The following CCT7 variants were observed in gnomAD, a reference collection of about 807,000 sequenced individuals.
CCT7 encodes T-complex protein 1 subunit eta.
CCT7 carries 16 observed loss-of-function variants against 56.6 expected under a neutral mutation model. The observed-to-expected ratio is 0.28, with a 90% CI of 0.19 to 0.43. CCT7 has a LOEUF of 0.43. CCT7 is among the 20% of genes least tolerant of loss of function. CCT7 has a pLI of 1.00. For synonymous variants in CCT7, 262 were observed against 254.8 expected (o/e 1.03, Z -0.27); for missense variants, 519 against 685.6 (o/e 0.76, Z 2.71).
intron 4 of CCT7, 189 bp from the exon 5 acceptor site, chr2:73,243,808 G>T: frequency 1.7e-6 from 1 of 604,354 alleles, no homozygotes; most frequent in Non-Finnish European, 2.9e-6. Context: ...TTTCTGACTT[G>T]GAATTTTCTG....
At chr2:73,251,901 T>C (rs1448762806) in intron 11 of CCT7, among the ~76,000 whole-genome samples, 1 of 151,332 alleles carries the variant, frequency 6.6e-6, no homozygotes, top group East Asian at 1.9e-4. Flanking sequence ...ATCGTGCCGC[T>C]GCACTCCAGC....
intron 3 of CCT7, among the ~76,000 whole-genome samples, chr2:73,242,349 G>T (rs554200988): frequency 6.6e-6 from 1 of 152,204 alleles, no homozygotes; most frequent in Non-Finnish European, 1.5e-5. Context: ...GTGCGATCTT[G>T]GCTCACTGCA....
rs766642418 is a variant in CCT7 at position 73,234,333 on chromosome 2, C to A, written c.-46C>A. ...ATTGTGGGTTGCTGGGCGGCCCGGT[C>A]TCGGAGAAGAGGGGAGAGTGGCGGG... On this transcript the variant is annotated 5_prime_UTR_variant, in exon 1 of 12. Coordinates refer to ENST00000258091, the MANE Select transcript of CCT7 (RefSeq NM_006429.4). The A allele has an allele frequency of 6.2e-7, 1 of 1,613,322 alleles. No individual in the cohort carries two copies. The highest frequency in any genetic ancestry group is 8.5e-7 in the Non-Finnish European group (1 of 1,179,494).
At chr2:73,246,996 A>C (rs1179249660) in intron 6 of CCT7, among the ~76,000 whole-genome samples, 1 of 152,186 alleles carries the variant, frequency 6.6e-6, no homozygotes, top group East Asian at 1.9e-4. Flanking sequence ...GTCATTTAGT[A>C]AGGAAAAGAT....
chr2:73,249,273 G>A (rs897637781), intron 8 of CCT7, 94 bp downstream of exon 8: 12 of 982,876 alleles, frequency 1.2e-5, no homozygotes, highest in Middle Eastern at 2.9e-4. Flanking sequence ...TCAGGTTGGC[G>A]TGTGAATTGA....
In CCT7 at chr2:73,252,838, C is replaced by T. The variant is rs932012000; in HGVS notation, c.1609C>T (p.Arg537Cys). 18 of 1,613,706 alleles carry T rather than the reference C, an allele frequency of 1.1e-5. No individual in the cohort carries two copies. The Admixed American group carries it at 2.2e-4, about 19-fold the overall frequency. Residue 537 changes from arginine (R) to cysteine (C), a missense_variant, in exon 12 of 12, where the codon CGT becomes TGT. Transcript: ENST00000258091. ...VDAPTAAGRG[R>C]GRGRPH ...TGCTCCCACAGCAGCAGGCCGGGGC[C>T]GTGGTCGTGGCCGCCCCCACTGAGA...
chr2:73,251,545 T>TC (rs1574366098), intron 11 of CCT7, 113 bp downstream of exon 11: 3 of 890,544 alleles, frequency 3.4e-6, no homozygotes, highest in Non-Finnish European at 1.8e-6. Flanking sequence ...AGGCTGCAAC[T>TC]CCCCCCAGCC....
chr2:73,244,624 C>G lies in CCT7; in HGVS notation c.527C>G (p.Ala176Gly). The G allele has an allele frequency of 6.2e-7, 1 of 1,613,790 alleles. No homozygotes were observed. The highest frequency in any genetic ancestry group is 8.5e-7 in the Non-Finnish European group (1 of 1,179,772). ...KLISQQKAFFAKMVVDAVMML... is the reference protein window; with the variant it reads ...KLISQQKAFFGKMVVDAVMML... ...ATCTCCCAGCAGAAAGCTTTCTTTG[C>G]TAAGATGGTGGTGGATGCAGTGATG... The change falls in exon 6 of 12, where the codon GCT becomes GGT. Residue 176 changes from alanine to glycine, a missense_variant. Ala to Gly is a moderately conservative substitution (Grantham distance 60, BLOSUM62 0). Transcript: ENST00000258091.
At position 73,234,363 on chromosome 2, in the gene CCT7, T is replaced by C. The variant is rs771403338; in HGVS notation, c.-16T>C. ...AGAAGAGGGGAGAGTGGCGGGCCGC[T>C]GAATAAGCTTCCAAAATGATGGTGA... On this transcript the variant is annotated 5_prime_UTR_variant, in exon 1 of 12. Transcript: ENST00000258091. The C allele has an allele frequency of 2.5e-6, 4 of 1,613,420 alleles. No individual in the cohort carries two copies. The highest frequency in any genetic ancestry group is 2.5e-6 in the Non-Finnish European group (3 of 1,179,962).
Position 73,252,855 on chromosome 2 carries a change from C to G in CCT7, c.1626C>G (p.Pro542=), listed in dbSNP as rs1341954943. The change falls in exon 12 of 12, where the codon CCC becomes CCG. Residue 542 remains proline, a synonymous_variant. Transcript: ENST00000258091. The stretch of plus-strand genomic sequence containing the variant: ...GCCGGGGCCGTGGTCGTGGCCGCCC[C>G]CACTGAGAGGCACCCCACCCATCAC... ...AAGRGRGRGR[P]H 1.2e-6 allele frequency: 2 copies of G among 1,612,672 alleles called. No individual in the cohort carries two copies. The highest frequency in any genetic ancestry group is 2.7e-5 in the African/African-American group (2 of 75,044).
intron 1 of CCT7, among the ~76,000 whole-genome samples, chr2:73,235,915 G>C (rs774156555): frequency 3.3e-5 from 5 of 152,174 alleles, no homozygotes; most frequent in Non-Finnish European, 7.3e-5. Flanking sequence ...GTGGGCTCTA[G>C]ATCATCACAC....
chr2:73,250,327 C>T lies in CCT7; in HGVS notation c.1092C>T (p.Cys364=), dbSNP rs781389742. Residue 364 remains cysteine (C), a synonymous_variant, in exon 10 of 12, where the codon TGC becomes TGT. Transcript: ENST00000258091. ...GGERYNFFTG[C]PKAKTCTFIL... ...ATAGGTACAATTTTTTTACTGGCTG[C>T]CCCAAGGCCAAGACATGCACCTTCA... 4 of 1,613,986 alleles carry T rather than the reference C, an allele frequency of 2.5e-6. No homozygotes were observed. The South Asian group carries it at 4.4e-5, about 18-fold the overall frequency.
chr2:73,249,195 C>T lies in CCT7; in HGVS notation c.972+16C>T. Reference sequence around the variant, plus strand: ...GACAATGATGGTAACCAGATTTTCACAGGCTGCTTCTCGGCCTTTGTGGCC... The same window carrying T: ...GACAATGATGGTAACCAGATTTTCATAGGCTGCTTCTCGGCCTTTGTGGCC... On this transcript the variant is annotated intron_variant, in intron 8 of 11. Transcript: ENST00000258091. 6.3e-7 allele frequency: 1 copy of T among 1,585,068 alleles called. No homozygotes were observed. The highest frequency in any genetic ancestry group is 8.6e-7 in the Non-Finnish European group (1 of 1,160,180).
intron 1 of CCT7, chr2:73,235,469 A>G (rs1216047070): frequency 1.3e-6 from 1 of 779,680 alleles, no homozygotes; most frequent in East Asian, 1.3e-4. Context: ...GTTCTACCAA[A>G]TGCCCTATGA....
intron 11 of CCT7, among the ~76,000 whole-genome samples, chr2:73,252,425 G>C (rs1298327788): frequency 6.6e-6 from 1 of 151,268 alleles, no homozygotes; most frequent in Non-Finnish European, 1.5e-5. Flanking sequence ...CAGAGGTCTT[G>C]TGTGGTATGT....
At chr2:73,246,379 C>G (rs1192081547) in intron 6 of CCT7, among the ~76,000 whole-genome samples, 2 of 152,214 alleles carry the variant, frequency 1.3e-5, no homozygotes, top group African/African-American at 4.8e-5. Flanking sequence ...CCTTGAAAAC[C>G]CTTCTGACTC....
chr2:73,249,285 C>A, intron 8 of CCT7, 106 bp downstream of exon 8: 1 of 881,642 alleles, frequency 1.1e-6, no homozygotes, highest in South Asian at 2.1e-5. Flanking sequence ...GTGAATTGAG[C>A]CCTGTTTTTT....
chr2:73,239,541 G>C (rs1687014332), intron 1 of CCT7, 102 bp from the exon 2 acceptor site: 5 of 1,081,462 alleles, frequency 4.6e-6, no homozygotes, highest in Non-Finnish European at 6.7e-6. Context: ...AAGACCTCTA[G>C]ATAATTCTGT....
intron 4 of CCT7, among the ~76,000 whole-genome samples, chr2:73,243,399 C>G (rs572085661): frequency 3.0e-4 from 46 of 152,162 alleles, no homozygotes; most frequent in Admixed American, 2.3e-3. Flanking sequence ...TCATGGCATA[C>G]TACTACTACA....
Sources: gnomAD v4.1 joint callset for allele counts (sites outside exome capture counted in the v4.1 genomes callset) on GRCh38, gnomAD v4.1.1 for gene constraint, MANE v1.5 for transcripts, NCBI Gene and HGNC (gene_info 2026-07-23, HGNC 2026-07-21) for gene names.